Variants in ELFN2 observed in about 807,000 individuals in gnomAD.
ELFN2 encodes extracellular leucine rich repeat and fibronectin type III domain containing 2.
A neutral mutation model predicts 45.5 loss-of-function variants in ELFN2; 17 were observed. The observed-to-expected ratio is 0.37, with a 90% CI of 0.26 to 0.56. The LOEUF is 0.56. Ranked by LOEUF, ELFN2 falls within the 20% of genes least tolerant of loss-of-function variation. ELFN2 has a pLI of 0.77. For missense variants in ELFN2, 922 were observed against 1,183.2 expected (o/e 0.78, Z 3.24); for synonymous variants, 550 against 551.5 (o/e 1.00, Z 0.04).
Position 37,374,706 on chromosome 22 carries a change from G to T in ELFN2, c.829C>A (p.Pro277Thr). ...REPDENSGFN[P>T]DEILSVEPPA... The stretch of plus-strand genomic sequence containing the variant: ...GGCTCCACCGAAAGGATCTCGTCGG[G>T]GTTGAAGCCCGAGTTCTCGTCTGGC... The change falls in exon 3 of 3, where the codon CCC becomes ACC. Residue 277 changes from proline (P) to threonine (T), a missense_variant. Transcript: ENST00000402918. 2 of 1,612,142 alleles carry T rather than the reference G, an allele frequency of 1.2e-6. No individual in the cohort carries two copies. Among genetic ancestry groups the T allele is most frequent in the Non-Finnish European group, 1.7e-6 (2 of 1,178,558 alleles).
At chr22:37,343,726 C>T (rs1657901188) in intron 1 of ELFN2, among the ~76,000 whole-genome samples, 1 of 149,760 alleles carries the variant, frequency 6.7e-6, no homozygotes, top group Non-Finnish European at 1.5e-5. Flanking sequence ...CCCCGGACCC[C>T]AGCCTCCCCA....
chr22:37,374,404 G>A lies in ELFN2; in HGVS notation c.1131C>T (p.Phe377=). 3.7e-6 allele frequency: 6 copies of A among 1,613,980 alleles called. No homozygotes were observed. The highest frequency in any genetic ancestry group is 5.1e-6 in the Non-Finnish European group (6 of 1,179,908). Residue 377 remains phenylalanine (F), a synonymous_variant, in exon 3 of 3, where the codon TTC becomes TTT. Coordinates refer to ENST00000402918, the MANE Select transcript of ELFN2 (RefSeq NM_052906.5). Reference sequence around the variant, plus strand: ...CTCCGGGGACGGGGTCCCGCGTGGTGAAGGTCAGGCAGGTGTGGTTGAAGC... The same window carrying A: ...CTCCGGGGACGGGGTCCCGCGTGGTAAAGGTCAGGCAGGTGTGGTTGAAGC... ...SRRFNHTCLT[F]TTRDPVPGDL...
At chr22:37,383,341 G>A (rs10854701) in intron 2 of ELFN2, among the ~76,000 whole-genome samples, 107,507 of 152,144 alleles carry the variant, frequency 0.71, 38,062 homozygotes, top group Admixed American at 0.79. Context: ...AGGCAGCCCT[G>A]GTGCCCTCAC....
chr22:37,372,923 T>TGTGTGTGC lies in ELFN2; in HGVS notation c.*141_*148dup, dbSNP rs1326881648. The TGTGTGTGC allele has an allele frequency of 2.8e-4, 215 of 761,458 alleles. No individual in the cohort carries two copies. The highest frequency in any genetic ancestry group is 4.0e-4 in the Non-Finnish European group (195 of 486,208). 47.2% of individuals were successfully genotyped at this position (761,458 alleles called of 1,614,324 possible). A position where few individuals can be genotyped will look rare whatever the true frequency, so the allele number is the denominator to read the frequency against. ...TTCACAGTCGGGTGGTGGTCAGGTGTGTGTGTGCGTGCGTGCGTGCGGGTC... is the reference window on the plus strand; with the variant it reads ...TTCACAGTCGGGTGGTGGTCAGGTGTGTGTGTGCGTGTGTGCGTGCGTGCGTGCGGGTC... On this transcript the variant is annotated 3_prime_UTR_variant, in exon 3 of 3. Transcript: ENST00000402918. This position sits in a 1 kb window ranked among gnomAD's most constrained non-coding sequence, Gnocchi z 4.4.
chr22:37,408,580 T>C (rs1932567539), intron 2 of ELFN2, among the ~76,000 whole-genome samples: 1 of 152,158 alleles, frequency 6.6e-6, no homozygotes, highest in Non-Finnish European at 1.5e-5. Flanking sequence ...ACCCCTACCA[T>C]ATGCCAGGAC....
intron 2 of ELFN2, among the ~76,000 whole-genome samples, chr22:37,396,948 T>A (rs1379247445): frequency 6.6e-6 from 1 of 152,256 alleles, no homozygotes; most frequent in East Asian, 1.9e-4. Context: ...CTCCTTTTTT[T>A]CCAGGCAGAG....
chr22:37,409,969 C>T (rs990928864), intron 2 of ELFN2, among the ~76,000 whole-genome samples: 1 of 152,236 alleles, frequency 6.6e-6, no homozygotes, highest in East Asian at 1.9e-4. Context: ...CTGTGCACGC[C>T]GAGAGCATGT....
chr22:37,413,440 T>C (rs551890867), intron 2 of ELFN2, among the ~76,000 whole-genome samples: 1 of 151,674 alleles, frequency 6.6e-6, no homozygotes, highest in East Asian at 1.9e-4. Context: ...TATGTGCCTG[T>C]AGTCCCAGCT....
chr22:37,393,475 G>C lies in ELFN2; in HGVS notation c.-462-17479C>G, dbSNP rs1488766651. ...CCATGACACGTCCCAAATCAGAGAG[G>C]ACAACTGACACCCCCCACCAGTTGC... On this transcript the variant is annotated intron_variant, in intron 2 of 2. Transcript: ENST00000402918. Among the ~76,000 whole-genome samples, 42 of 152,308 alleles carry C rather than the reference G, an allele frequency of 2.8e-4. 1 individual carries two copies. Among genetic ancestry groups the C allele is most frequent in the Admixed American group, 2.5e-3 (38 of 15,304 alleles).
rs763572596 is a variant in ELFN2 at position 37,373,658 on chromosome 22, C to T, written c.1877G>A (p.Arg626His). 48 of 1,580,436 alleles carry T rather than the reference C, an allele frequency of 3.0e-5. No individual in the cohort carries two copies. The highest frequency in any genetic ancestry group is 4.6e-5 in the South Asian group (4 of 86,298). ...RQLSADAAVT[R>H]KTCSVSSSGS... Reference sequence around the variant, plus strand: ...ACTGGACGACACGCTGCAGGTCTTGCGGGTCACGGCCGCGTCGGCGCTCAG... The same window carrying T: ...ACTGGACGACACGCTGCAGGTCTTGTGGGTCACGGCCGCGTCGGCGCTCAG... The change falls in exon 3 of 3, where the codon CGC (arginine) becomes CAC (histidine). Residue 626 changes from arginine to histidine, a missense_variant. Around this residue, in one of 2 missense-constraint regions of ELFN2, gnomAD observed 564 missense variants for 642.8 expected, o/e 0.88. Transcript: ENST00000402918.
At chr22:37,362,316 C>T (rs1471202946) in intron 1 of ELFN2, among the ~76,000 whole-genome samples, 1 of 152,218 alleles carries the variant, frequency 6.6e-6, no homozygotes, top group African/African-American at 2.4e-5. Flanking sequence ...TAAATAACTG[C>T]CAGACGTAAC....
At chr22:37,361,336 C>G (rs1311524266) in intron 1 of ELFN2, among the ~76,000 whole-genome samples, 1 of 150,974 alleles carries the variant, frequency 6.6e-6, no homozygotes, top group African/African-American at 2.4e-5. Context: ...CCCCCCTCCT[C>G]CCTACCCCCT....
At position 37,383,658 on chromosome 22, in the gene ELFN2, A is replaced by G. The variant is rs188324039; in HGVS notation, c.-462-7662T>C. 9.2e-3 allele frequency among the ~76,000 whole-genome samples: 1,396 copies of G among 152,306 alleles called. 34 individuals are homozygous for G. The highest frequency in any genetic ancestry group is 7.9e-3 in the Non-Finnish European group (540 of 68,018). On this transcript the variant is annotated intron_variant, in intron 2 of 2. Transcript: ENST00000402918. Reference sequence around the variant, plus strand: ...TGAGGCATGCTGCCCAAGCAGCCGCACACCCACCCACGTTGCTTACGCGTT... The same window carrying G: ...TGAGGCATGCTGCCCAAGCAGCCGCGCACCCACCCACGTTGCTTACGCGTT...
intron 2 of ELFN2, among the ~76,000 whole-genome samples, chr22:37,400,931 C>A (rs1250883981): frequency 2.0e-5 from 3 of 152,256 alleles, no homozygotes; most frequent in Non-Finnish European, 4.4e-5. Flanking sequence ...TTAAGTATTT[C>A]ATTCAGTCAT....
rs546408028 is a variant in ELFN2 at position 37,385,930 on chromosome 22, T to C, written c.-462-9934A>G. Among the ~76,000 whole-genome samples, 24 of 152,316 alleles carry C rather than the reference T, an allele frequency of 1.6e-4. No homozygotes were observed. The South Asian group carries it at 5.0e-3, about 32-fold the overall frequency. Reference sequence around the variant, plus strand: ...TTTGGTCCTAAAAGTCTCCTGTGTCTTGGCCTCTGTGGGTCACCAATTCTA... The same window carrying C: ...TTTGGTCCTAAAAGTCTCCTGTGTCCTGGCCTCTGTGGGTCACCAATTCTA... On this transcript the variant is annotated intron_variant, in intron 2 of 2. Transcript: ENST00000402918.
intron 1 of ELFN2, among the ~76,000 whole-genome samples, chr22:37,362,016 C>G (rs1216471447): frequency 6.6e-6 from 1 of 152,226 alleles, no homozygotes; most frequent in Non-Finnish European, 1.5e-5. Context: ...TCTCTCATGC[C>G]TAGGAGTGCC....
chr22:37,403,771 C>T (rs1218109233), intron 2 of ELFN2, among the ~76,000 whole-genome samples: 2 of 152,236 alleles, frequency 1.3e-5, no homozygotes, highest in South Asian at 2.1e-4. Context: ...CAGCCATCGG[C>T]GGTGCCCGCC....
chr22:37,410,492 G>A (rs765598414), intron 2 of ELFN2, among the ~76,000 whole-genome samples: 2 of 152,072 alleles, frequency 1.3e-5, no homozygotes, highest in Non-Finnish European at 2.9e-5. Flanking sequence ...GTTCCCTGTT[G>A]AGCCCCCGCT....
chr22:37,404,393 G>T (rs1282314404), intron 2 of ELFN2, among the ~76,000 whole-genome samples: 1 of 152,084 alleles, frequency 6.6e-6, no homozygotes, highest in African/African-American at 2.4e-5. Context: ...GGGCAGGATG[G>T]AGAGAGAGAC....
Sources: allele counts gnomAD v4.1 joint callset (sites outside exome capture counted in the v4.1 genomes callset), GRCh38; gene constraint gnomAD v4.1.1; regional missense constraint gnomAD v4.1.1; non-coding constraint Gnocchi (gnomAD v3.1); transcripts MANE v1.5; gene names NCBI Gene and HGNC (gene_info 2026-07-23, HGNC 2026-07-21).